Variants in COL4A3 observed in about 807,000 individuals in gnomAD.
The protein encoded by COL4A3 is collagen type IV alpha 3 chain, also known as collagen alpha-3(IV) chain.
A neutral mutation model predicts 217.4 loss-of-function variants in COL4A3; 135 were observed. The observed-to-expected ratio is 0.62, with a 90% CI of 0.54 to 0.72. The LOEUF is 0.72. Ranked by LOEUF, COL4A3 falls within the 30% of genes least tolerant of loss-of-function variation. The probability of loss-of-function intolerance (pLI) is 0.00; values close to 1 mark genes in which losing one functional copy is unlikely to be tolerated. For missense variants in COL4A3, 1,868 were observed against 2,119.9 expected, an observed-to-expected ratio of 0.88 and a Z score of 2.33; for synonymous variants, 690 against 736.3, an observed-to-expected ratio of 0.94 and a Z score of 1.02.
chr2:227,186,558 A>T (rs553391594), intron 1 of COL4A3, among the ~76,000 whole-genome samples: 1 of 152,332 alleles, frequency 6.6e-6, no homozygotes, highest in East Asian at 1.9e-4. Context: ...TGTCCTCTTC[A>T]CAAGGAAGTT....
intron 50 of COL4A3, 121 bp downstream of exon 50, chr2:227,309,439 T>A: frequency 1.3e-6 from 1 of 763,988 alleles, no homozygotes; most frequent in Non-Finnish European, 2.2e-6. Context: ...CAACATGCCA[T>A]AGACATTTCC....
intron 7 of COL4A3, 27 bp from the exon 8 acceptor site, chr2:227,247,531 G>C: frequency 1.2e-6 from 2 of 1,613,280 alleles, no homozygotes; most frequent in Non-Finnish European, 1.7e-6. Context: ...TATTCCTCTA[G>C]TTGTTCATAG....
Position 227,183,423 on chromosome 2 carries a change from G to A in COL4A3, c.87+18610G>A, listed in dbSNP as rs562700521. On this transcript the variant is annotated intron_variant, in intron 1 of 51. Transcript: ENST00000396578. ...ATATGTAAAAGTCCCAAGGAGCAGTGCAGACCAGAACCAGAGACCAGAACA... is the reference window on the plus strand; with the variant it reads ...ATATGTAAAAGTCCCAAGGAGCAGTACAGACCAGAACCAGAGACCAGAACA... Among the ~76,000 whole-genome samples the A allele has an allele frequency of 1.3e-4, 20 of 152,300 alleles. No individual in the cohort carries two copies. In the South Asian group the frequency reaches 4.1e-3, roughly 32 times the overall value.
rs896080470 is a variant in COL4A3, at chr2:227,311,920, A to G, written c.*50A>G. 1 of 1,610,242 alleles carries G rather than the reference A, an allele frequency of 6.2e-7. No homozygotes were observed. Among genetic ancestry groups the G allele is most frequent in the Non-Finnish European group, 8.5e-7 (1 of 1,177,792 alleles). ...TATTTTTCATCCTAAAGAACAAAGT[A>G]ATGACAGAACATGCTGTTATTTAGG... On this transcript the variant is annotated 3_prime_UTR_variant, in exon 52 of 52. Transcript: ENST00000396578.
At position 227,266,203 on chromosome 2, in the gene COL4A3, C is replaced by T. The variant is rs531663814; in HGVS notation, c.1316-214C>T. On this transcript the variant is annotated intron_variant, in intron 21 of 51. Coordinates refer to ENST00000396578, the MANE Select transcript of COL4A3 (RefSeq NM_000091.5). ...CCAAAAAAAAAAATTATACAATGAG[C>T]TTTCAAAGATCAACTACCTTAAAAA... Among the ~76,000 whole-genome samples, 4 of 152,128 alleles carry T rather than the reference C, an allele frequency of 2.6e-5. No individual in the cohort carries two copies. In the East Asian group the frequency reaches 7.7e-4, roughly 29 times the overall value.
In COL4A3 at chr2:227,253,675, C is replaced by G. The variant is rs2069943206; in HGVS notation, c.765+37C>G. 1 of 1,558,854 alleles carries G rather than the reference C, an allele frequency of 6.4e-7. No homozygotes were observed. The highest frequency in any genetic ancestry group is 8.9e-7 in the Non-Finnish European group (1 of 1,129,688). The stretch of plus-strand genomic sequence containing the variant: ...ATTTTATGATTAGTGTTGTGCCTTC[C>G]CGTGTCTAGGATGAAGTCCTTGTGA... On this transcript the variant is annotated intron_variant, in intron 13 of 51. Coordinates refer to ENST00000396578, the MANE Select transcript of COL4A3 (RefSeq NM_000091.5). The surrounding 1 kb of genome is among the most constrained non-coding windows in gnomAD (Gnocchi z 4.4).
chr2:227,240,314 G>A lies in COL4A3; in HGVS notation c.234+82G>A, dbSNP rs192066488. 251 of 1,335,280 alleles carry A rather than the reference G, an allele frequency of 1.9e-4. 1 individual carries two copies. The African/African-American group carries it at 3.0e-3, about 16-fold the overall frequency. The allele number at this position is 1,335,280 out of a possible 1,614,324, so 82.7% of individuals were successfully genotyped here. On this transcript the variant is annotated intron_variant, in intron 3 of 51. Transcript: ENST00000396578. The stretch of plus-strand genomic sequence containing the variant: ...ACCCCCTGGCTGCTGCAAACCTGGA[G>A]AGAATTCCACATCTTAGCCAACTGC...
At chr2:227,218,089 T>C (rs2067601194) in intron 1 of COL4A3, among the ~76,000 whole-genome samples, 1 of 138,212 alleles carries the variant, frequency 7.2e-6, no homozygotes, top group South Asian at 2.3e-4. Context: ...GCTATATATA[T>C]ATATATATAT....
chr2:227,276,235 C>A (rs1189028909), intron 26 of COL4A3, 150 bp from the exon 27 acceptor site: 5 of 680,300 alleles, frequency 7.3e-6, no homozygotes, highest in African/African-American at 1.8e-5. Context: ...GGCTGGTCGT[C>A]CTTAAGCTAG....
chr2:227,262,772 G>A (rs1014814926), intron 20 of COL4A3, among the ~76,000 whole-genome samples: 6 of 151,984 alleles, frequency 3.9e-5, no homozygotes, highest in East Asian at 1.9e-4. Context: ...TTTGTTTATC[G>A]GCTCTAAGAG....
intron 1 of COL4A3, among the ~76,000 whole-genome samples, chr2:227,202,177 G>A (rs2066711237): frequency 6.6e-6 from 1 of 152,150 alleles, no homozygotes; most frequent in Non-Finnish European, 1.5e-5. Context: ...TAACATTGTA[G>A]GGTGTCAATA....
chr2:227,264,470 G>A (rs1192932726), intron 21 of COL4A3, among the ~76,000 whole-genome samples: 1 of 152,132 alleles, frequency 6.6e-6, no homozygotes, highest in Non-Finnish European at 1.5e-5. Context: ...CCGCATGGGT[G>A]TAAGGCAACA....
chr2:227,178,790 C>T lies in COL4A3; in HGVS notation c.87+13977C>T, dbSNP rs142146295. ...GTGTTGAACTCCCAACCTCAGGTGACACACCCACCTCAGCCTCCCAAAGTG... is the reference window on the plus strand; with the variant it reads ...GTGTTGAACTCCCAACCTCAGGTGATACACCCACCTCAGCCTCCCAAAGTG... On this transcript the variant is annotated intron_variant, in intron 1 of 51. Transcript: ENST00000396578. 7.0e-3 allele frequency among the ~76,000 whole-genome samples: 1,060 copies of T among 152,014 alleles called. 11 individuals carry two copies. The highest frequency in any genetic ancestry group is 0.031 in the Middle Eastern group (9 of 294).
At chr2:227,269,155 G>T (rs956869783) in intron 23 of COL4A3, among the ~76,000 whole-genome samples, 3 of 152,146 alleles carry the variant, frequency 2.0e-5, no homozygotes, top group African/African-American at 7.2e-5. Flanking sequence ...ATACCTATGG[G>T]AAGTATAAAA....
intron 42 of COL4A3, among the ~76,000 whole-genome samples, chr2:227,298,073 C>A (rs927489658): frequency 9.2e-5 from 14 of 152,100 alleles, no homozygotes; most frequent in African/African-American, 3.1e-4. Context: ...CCTGGCTGGA[C>A]GCAGTGGCTC....
Position 227,188,690 on chromosome 2 carries a change from G to A in COL4A3, c.87+23877G>A, listed in dbSNP as rs1289486364. Among the ~76,000 whole-genome samples, 5 of 152,314 alleles carry A rather than the reference G, an allele frequency of 3.3e-5. No individual in the cohort carries two copies. In the South Asian group the frequency reaches 6.2e-4, roughly 19 times the overall value. On this transcript the variant is annotated intron_variant, in intron 1 of 51. Coordinates refer to ENST00000396578, the MANE Select transcript of COL4A3 (RefSeq NM_000091.5). ...AATTAGACACACATATATGCAAGCGGAATATAACTTTTTCACTGACATGTA... is the reference window on the plus strand; with the variant it reads ...AATTAGACACACATATATGCAAGCGAAATATAACTTTTTCACTGACATGTA...
rs1559896717 is a variant in COL4A3 at position 227,282,275 on chromosome 2, A to ATATATATATATATATAT, written c.2489-90_2489-89insTATATATATATATATAT. 4 of 334,842 alleles carry ATATATATATATATATAT rather than the reference A, an allele frequency of 1.2e-5. No homozygotes were observed. The highest frequency in any genetic ancestry group is 5.0e-5 in the African/African-American group (2 of 39,824). 20.7% of individuals were successfully genotyped at this position (334,842 alleles called of 1,614,324 possible). A position where few individuals can be genotyped will look rare whatever the true frequency, so the allele number is the denominator to read the frequency against. ...AGACAGAGGGAGATTCCATCTTAAA[A>ATATATATATATATATAT]ATATATATATATATATATATATATA... On this transcript the variant is annotated intron_variant, in intron 31 of 51. Coordinates refer to ENST00000396578, the MANE Select transcript of COL4A3 (RefSeq NM_000091.5). This position sits in a 1 kb window ranked among gnomAD's most constrained non-coding sequence, Gnocchi z 4.4.
chr2:227,259,949 T>C, intron 19 of COL4A3, 72 bp downstream of exon 19: 1 of 1,090,252 alleles, frequency 9.2e-7, no homozygotes, highest in Non-Finnish European at 1.4e-6. Context: ...ATAAATAGCA[T>C]GTGCTTATGG....
At position 227,303,111 on chromosome 2, in the gene COL4A3, G is replaced by T; in HGVS notation, c.3955+1G>T. 6.2e-7 allele frequency: 1 copy of T among 1,613,456 alleles called. No homozygotes were observed. Among genetic ancestry groups the T allele is most frequent in the Non-Finnish European group, 8.5e-7 (1 of 1,179,458 alleles). ...TTCCAGGGGTTTCCAGGCGTGAAAGGTACTGTTTTTGTGCATTGCTCTTTA... is the reference window on the plus strand; with the variant it reads ...TTCCAGGGGTTTCCAGGCGTGAAAGTTACTGTTTTTGTGCATTGCTCTTTA... On this transcript the variant is annotated splice_donor_variant, in intron 44 of 51. Transcript: ENST00000396578. LOFTEE classifies it high-confidence loss of function.
Sources: allele counts gnomAD v4.1 joint callset (sites outside exome capture counted in the v4.1 genomes callset), GRCh38; gene constraint gnomAD v4.1.1; non-coding constraint Gnocchi (gnomAD v3.1); transcripts MANE v1.5; gene names NCBI Gene and HGNC (gene_info 2026-07-23, HGNC 2026-07-21).